The following BACE2 variants were observed in gnomAD, a reference collection of about 807,000 sequenced individuals.
The protein encoded by BACE2 is beta-secretase 2.
Under a neutral mutation model 46.2 loss-of-function variants are expected in BACE2, and 17 were observed. That is an observed-to-expected ratio of 0.37 (90% confidence interval 0.25 to 0.55). The LOEUF (loss-of-function observed/expected upper bound fraction) is 0.55. Ranked by LOEUF, BACE2 falls within the 20% of genes least tolerant of loss-of-function variation. The probability of loss-of-function intolerance (pLI) is 0.82; values close to 1 mark genes in which losing one functional copy is unlikely to be tolerated. For missense variants in BACE2, 595 were observed against 698.1 expected, an observed-to-expected ratio of 0.85 and a Z score of 1.66; for synonymous variants, 277 against 295.9, an observed-to-expected ratio of 0.94 and a Z score of 0.66.
At chr21:41,272,380 C>A (rs1312473528) in intron 8 of BACE2, among the ~76,000 whole-genome samples, 3 of 151,708 alleles carry the variant, frequency 2.0e-5, no homozygotes, top group South Asian at 2.1e-4. Flanking sequence ...TTGGTTTTTT[C>A]AAATATTTTT....
chr21:41,172,883 C>T (rs180876438), intron 1 of BACE2, among the ~76,000 whole-genome samples: 1 of 152,346 alleles, frequency 6.6e-6, no homozygotes, highest in East Asian at 1.9e-4. Context: ...AACACTGTCC[C>T]TCCGGAGGCT....
chr21:41,182,217 G>T (rs1409387674), intron 1 of BACE2: 1 of 167,072 alleles, frequency 6.0e-6, no homozygotes, highest in Non-Finnish European at 1.5e-5. Flanking sequence ...ACTGATATTG[G>T]TTGTGGTTGT....
rs2088490092 is a variant in BACE2 at position 41,276,371 on chromosome 21, C to T, written c.*747C>T. The T allele has an allele frequency of 6.6e-6, 1 of 152,214 alleles. No individual in the cohort carries two copies. Among genetic ancestry groups the T allele is most frequent in the Non-Finnish European group, 1.5e-5 (1 of 68,058 alleles). 9.4% of individuals were successfully genotyped at this position (152,214 alleles called of 1,614,324 possible). A position where few individuals can be genotyped will look rare whatever the true frequency, so the allele number is the denominator to read the frequency against. On this transcript the variant is annotated 3_prime_UTR_variant, in exon 9 of 9. Coordinates refer to ENST00000330333, the MANE Select transcript of BACE2 (RefSeq NM_012105.5). ...TGGTGCGAAAGTAAAAACACTACCT[C>T]TTTTGAGACTTTGCCCAGGGTCCTG...
chr21:41,239,260 G>C lies in BACE2; in HGVS notation c.618+1531G>C, dbSNP rs560003477. ...AAGGAGACAGAATCACAATTACTGA[G>C]AGCCTATTAGGCCCTAGGCTGAGAA... On this transcript the variant is annotated intron_variant, in intron 3 of 8. Coordinates refer to ENST00000330333, the MANE Select transcript of BACE2 (RefSeq NM_012105.5). Among the ~76,000 whole-genome samples the C allele has an allele frequency of 8.5e-5, 13 of 152,326 alleles. No individual in the cohort carries two copies. In the South Asian group the frequency reaches 2.7e-3, roughly 32 times the overall value.
At chr21:41,186,929 T>G (rs1401224568) in intron 1 of BACE2, 1 of 152,482 alleles carries the variant, frequency 6.6e-6, no homozygotes, top group Non-Finnish European at 1.5e-5. Context: ...GGGTGGTAAC[T>G]TCTGGGTGTT....
chr21:41,232,969 T>C (rs1052895163), intron 2 of BACE2, among the ~76,000 whole-genome samples: 10 of 151,160 alleles, frequency 6.6e-5, no homozygotes, highest in Non-Finnish European at 1.5e-4. Flanking sequence ...CCCGGGTTCA[T>C]GCCATTCTCC....
Position 41,276,398 on chromosome 21 carries a change from G to T in BACE2, c.*774G>T, listed in dbSNP as rs948921661. On this transcript the variant is annotated 3_prime_UTR_variant, in exon 9 of 9. Transcript: ENST00000330333. ...TTTGAGACTTTGCCCAGGGTCCTGT[G>T]CCTGGATGGGGGTGCAGGCAGCCTT... 2 of 152,222 alleles carry T rather than the reference G, an allele frequency of 1.3e-5. No homozygotes were observed. Among genetic ancestry groups the T allele is most frequent in the African/African-American group, 4.8e-5 (2 of 41,436 alleles). The allele number at this position is 152,222 out of a possible 1,614,324, so 9.4% of individuals were successfully genotyped here. A position where few individuals can be genotyped will look rare whatever the true frequency, so the allele number is the denominator to read the frequency against.
intron 1 of BACE2, 125 bp from the exon 2 acceptor site, chr21:41,226,141 C>CTTTTTT: frequency 1.4e-6 from 1 of 702,306 alleles, no homozygotes; most frequent in Non-Finnish European, 2.4e-6. Context: ...CGTCAGTATA[C>CTTTTTT]TTTTTTTTTG....
chr21:41,184,744 T>TGGGGAGG (rs1341666656), intron 1 of BACE2: 3 of 167,036 alleles, frequency 1.8e-5, no homozygotes, highest in Non-Finnish European at 4.4e-5. Context: ...GAAGAGACTC[T>TGGGGAGG]GGGGAGGCTT....
intron 1 of BACE2, among the ~76,000 whole-genome samples, chr21:41,169,401 C>T (rs1984516767): frequency 6.7e-6 from 1 of 149,346 alleles, no homozygotes; most frequent in East Asian, 2.0e-4. Context: ...TGTTCATTTA[C>T]TAACACTTTT....
At chr21:41,197,960 CA>C (rs1409262716) in intron 1 of BACE2, among the ~76,000 whole-genome samples, 1 of 152,184 alleles carries the variant, frequency 6.6e-6, no homozygotes. Context: ...TAGATATATA[CA>C]CACATAGAAG....
intron 1 of BACE2, among the ~76,000 whole-genome samples, chr21:41,218,880 T>TTG (rs1555852707): frequency 8.6e-5 from 13 of 151,984 alleles, no homozygotes; most frequent in African/African-American, 3.1e-4. Context: ...TTTTTTTTTT[T>TTG]TGTGACAGAG....
At chr21:41,172,195 G>T (rs1984630942) in intron 1 of BACE2, among the ~76,000 whole-genome samples, 1 of 152,350 alleles carries the variant, frequency 6.6e-6, no homozygotes, top group East Asian at 1.9e-4. Context: ...CAGCTCCTTC[G>T]AGTGAGAAGT....
intron 1 of BACE2, chr21:41,180,319 C>A (rs878878537): frequency 5.7e-6 from 1 of 174,480 alleles, no homozygotes; most frequent in Non-Finnish European, 1.4e-5. Context: ...TGAGTCCCAC[C>A]TCCTACCTCA....
At position 41,257,298 on chromosome 21, in the gene BACE2, G is replaced by T; in HGVS notation, c.1275G>T (p.Arg425Ser). Reference protein sequence around the residue: ...FYVIFDRAQKRVGFAASPCAE... With the variant: ...FYVIFDRAQKSVGFAASPCAE... ...TCATCTTCGACAGAGCCCAGAAGAG[G>T]GTGGGCTTCGCAGCGAGCCCCTGTG... Residue 425 changes from arginine (R) to serine (S), a missense_variant, in exon 8 of 9, where the codon AGG becomes AGT. By Grantham distance (110) the Arg-to-Ser change is moderately radical (BLOSUM62 -1). Around this residue, in one of 3 missense-constraint regions of BACE2, gnomAD observed 343 missense variants for 419.4 expected, o/e 0.82. Transcript: ENST00000330333. The T allele has an allele frequency of 1.2e-6, 2 of 1,614,006 alleles. No homozygotes were observed. Among genetic ancestry groups the T allele is most frequent in the Non-Finnish European group, 1.7e-6 (2 of 1,180,028 alleles).
intron 1 of BACE2, among the ~76,000 whole-genome samples, chr21:41,214,030 G>A (rs958152794): frequency 2.7e-4 from 41 of 152,290 alleles, no homozygotes; most frequent in African/African-American, 9.4e-4. Context: ...TGGAACCGGC[G>A]CTAGTGTTTA....
At chr21:41,179,885 G>A in intron 1 of BACE2, 1 of 382,360 alleles carries the variant, frequency 2.6e-6, no homozygotes, top group South Asian at 2.1e-5. Flanking sequence ...TGATCCCAGT[G>A]ATGCAGGACA....
At chr21:41,210,358 A>ACCAG (rs1022062515) in intron 1 of BACE2, among the ~76,000 whole-genome samples, 4 of 152,174 alleles carry the variant, frequency 2.6e-5, no homozygotes, top group Non-Finnish European at 5.9e-5. Context: ...ACAACGGCTG[A>ACCAG]CCAGTACTAA....
chr21:41,179,413 A>G (rs1157843996), intron 1 of BACE2: 3 of 1,308,496 alleles, frequency 2.3e-6, no homozygotes, highest in Non-Finnish European at 2.0e-6. Context: ...GTCCAGGGTG[A>G]GTGAGGGTGT....
Sources: gnomAD v4.1 joint callset for allele counts (sites outside exome capture counted in the v4.1 genomes callset) on GRCh38, gnomAD v4.1.1 for gene constraint, gnomAD v4.1.1 regional missense constraint, MANE v1.5 for transcripts, NCBI Gene and HGNC (gene_info 2026-07-23, HGNC 2026-07-21) for gene names.